LIN28B: variants seen among roughly 807,000 people sequenced by gnomAD.
The protein encoded by LIN28B is protein lin-28 homolog B.
A neutral mutation model predicts 21.9 loss-of-function variants in LIN28B; 5 were observed. The ratio of observed to expected loss-of-function variants is 0.23; its 90% confidence interval spans 0.12 to 0.48. The LOEUF is 0.48. LIN28B is among the 20% of genes least tolerant of loss of function. The pLI, the probability that LIN28B is intolerant of heterozygous loss-of-function variation, is 0.98. For missense variants in LIN28B, 245 were observed against 310.5 expected (o/e 0.79, Z 1.58); for synonymous variants, 109 against 111.3 (o/e 0.98, Z 0.13).
intron 2 of LIN28B, among the ~76,000 whole-genome samples, chr6:105,000,280 G>GA (rs1770695977): frequency 6.6e-6 from 1 of 152,080 alleles, no homozygotes; most frequent in South Asian, 2.1e-4. Flanking sequence ...CTGTGTGTAT[G>GA]AAAAAATGCA....
rs573705736 is a variant in LIN28B at position 104,950,462 on chromosome 6, T to C, written c.20T>C (p.Val7Ala). 22 of 1,228,400 alleles carry C rather than the reference T, an allele frequency of 1.8e-5. No individual in the cohort carries two copies. In the South Asian group the frequency reaches 7.8e-4, roughly 44 times the overall value. 76.1% of individuals were successfully genotyped at this position (1,228,400 alleles called of 1,614,324 possible). Residue 7 changes from valine to alanine, a missense_variant and splice_region_variant, in exon 3 of 6, where the codon GTT (valine) becomes GCT (alanine). Physicochemically the swap from Val to Ala is moderately conservative, Grantham distance 64. Transcript: ENST00000635857. ...CTGACTTGAGCTCTCTGATTTTAGG[T>C]TCTTCAGAAGAGGATGAGGTCATTC... is the stretch of plus-strand genomic sequence containing the variant.
At chr6:104,943,987 A>C (rs939662041) in intron 2 of LIN28B, among the ~76,000 whole-genome samples, 1 of 152,120 alleles carries the variant, frequency 6.6e-6, no homozygotes, top group Non-Finnish European at 1.5e-5. Context: ...ATGCTCGACA[A>C]AGTCGCTGGC....
intron 3 of LIN28B, among the ~76,000 whole-genome samples, chr6:105,044,604 AATT>A (rs1270546431): frequency 5.3e-5 from 8 of 152,214 alleles, no homozygotes; most frequent in Non-Finnish European, 1.0e-4. Context: ...ATATAAATCT[AATT>A]ATAGCCGATA....
intron 2 of LIN28B, among the ~76,000 whole-genome samples, chr6:104,990,376 C>T (rs1460820286): frequency 6.6e-6 from 1 of 151,592 alleles, no homozygotes; most frequent in Non-Finnish European, 1.5e-5. Flanking sequence ...TTTGCTTTTT[C>T]TGTCTAAGAG....
intron 2 of LIN28B, among the ~76,000 whole-genome samples, chr6:105,010,073 C>A (rs1424514197): frequency 1.3e-5 from 2 of 152,060 alleles, no homozygotes; most frequent in African/African-American, 4.8e-5. Context: ...AATATAAGTT[C>A]CATGCACATG....
intron 3 of LIN28B, among the ~76,000 whole-genome samples, chr6:105,077,505 C>G (rs1772454904): frequency 6.6e-6 from 1 of 152,056 alleles, no homozygotes; most frequent in Admixed American, 6.6e-5. Flanking sequence ...TCTTGCTTAG[C>G]TTTCCTTGCC....
At chr6:104,951,240 A>G (rs1288570759) in intron 3 of LIN28B, among the ~76,000 whole-genome samples, 2 of 152,170 alleles carry the variant, frequency 1.3e-5, no homozygotes, top group African/African-American at 4.8e-5. Context: ...GAGCTGTGAT[A>G]TTGCAAAGTA....
chr6:105,043,194 A>T (rs952447986), intron 3 of LIN28B, among the ~76,000 whole-genome samples: 2 of 152,116 alleles, frequency 1.3e-5, no homozygotes, highest in African/African-American at 4.8e-5. Context: ...TGGGAGGCTG[A>T]GGCAGGTGGA....
intron 3 of LIN28B, among the ~76,000 whole-genome samples, chr6:105,026,734 G>GTT (rs1771294382): frequency 1.3e-5 from 2 of 152,258 alleles, no homozygotes; most frequent in East Asian, 3.9e-4. Flanking sequence ...TGAGACCCCA[G>GTT]TTGAGGAGTT....
intron 2 of LIN28B, among the ~76,000 whole-genome samples, chr6:104,977,813 G>A (rs1386545530): frequency 2.0e-5 from 3 of 151,872 alleles, no homozygotes; most frequent in African/African-American, 7.3e-5. Flanking sequence ...TGATACCCCC[G>A]CCTTGGCCTC....
At chr6:104,962,890 A>T (rs1475687140) in intron 2 of LIN28B, among the ~76,000 whole-genome samples, 1 of 152,196 alleles carries the variant, frequency 6.6e-6, no homozygotes. Flanking sequence ...GAACATAAGC[A>T]GCTCATTTGT....
intron 2 of LIN28B, among the ~76,000 whole-genome samples, chr6:104,971,472 T>C (rs533810784): frequency 7.2e-5 from 11 of 152,268 alleles, no homozygotes; most frequent in Non-Finnish European, 1.5e-4. Flanking sequence ...GGATGAATAA[T>C]GAGAGAAACA....
At chr6:104,999,909 A>C (rs1281820111) in intron 2 of LIN28B, among the ~76,000 whole-genome samples, 2 of 151,978 alleles carry the variant, frequency 1.3e-5, no homozygotes, top group Non-Finnish European at 2.9e-5. Flanking sequence ...TGAACTCCCA[A>C]CCTTAGGTGT....
intron 2 of LIN28B, chr6:104,940,761 G>A (rs1359083358): frequency 6.6e-6 from 1 of 151,096 alleles, no homozygotes; most frequent in African/African-American, 2.4e-5. Flanking sequence ...GAGTGGTGGC[G>A]ACAGCGGATT....
chr6:105,078,951 C>A lies in LIN28B; in HGVS notation c.*168C>A. On this transcript the variant is annotated 3_prime_UTR_variant, in exon 4 of 4. Coordinates refer to ENST00000345080, the MANE Select transcript of LIN28B (RefSeq NM_001004317.4). ...TCACTCTAAGCAAATTACATTTGAGCAGGGTGTCATGTTTTATGTTAATTC... is the reference window on the plus strand; with the variant it reads ...TCACTCTAAGCAAATTACATTTGAGAAGGGTGTCATGTTTTATGTTAATTC... 2.9e-6 allele frequency: 2 copies of A among 685,688 alleles called. No homozygotes were observed. Among genetic ancestry groups the A allele is most frequent in the Non-Finnish European group, 4.8e-6 (2 of 418,326 alleles). 42.5% of individuals were successfully genotyped at this position (685,688 alleles called of 1,614,324 possible). A position where few individuals can be genotyped will look rare whatever the true frequency, so the allele number is the denominator to read the frequency against.
chr6:105,049,902 C>T (rs1439846086), intron 3 of LIN28B, among the ~76,000 whole-genome samples: 1 of 152,126 alleles, frequency 6.6e-6, no homozygotes, highest in Non-Finnish European at 1.5e-5. Flanking sequence ...TGTCTCTGCA[C>T]GTGAGATGGG....
intron 3 of LIN28B, among the ~76,000 whole-genome samples, chr6:105,071,665 G>A (rs559180843): frequency 1.2e-4 from 19 of 152,206 alleles, no homozygotes; most frequent in Non-Finnish European, 1.9e-4. Flanking sequence ...AAGAGAGGCA[G>A]TCTCAATTTA....
rs747897466 is a variant in LIN28B at position 104,957,301 on chromosome 6, T to A, written c.10+41T>A. 3.4e-6 allele frequency: 5 copies of A among 1,474,416 alleles called. No individual in the cohort carries two copies. In the South Asian group the frequency reaches 5.8e-5, roughly 17 times the overall value. The allele number at this position is 1,474,416 out of a possible 1,614,324, so 91.3% of individuals were successfully genotyped here. A position where few individuals can be genotyped will look rare whatever the true frequency, so the allele number is the denominator to read the frequency against. The stretch of plus-strand genomic sequence containing the variant: ...TATTGTTTTACTGTGAATTTCTTTC[T>A]TCTTTTCTCCTCCCCCTCCCCCTCT... On this transcript the variant is annotated intron_variant, in intron 1 of 3. Coordinates refer to ENST00000345080, the MANE Select transcript of LIN28B (RefSeq NM_001004317.4).
intron 2 of LIN28B, among the ~76,000 whole-genome samples, chr6:104,950,310 A>G (rs992541044): frequency 1.3e-5 from 2 of 152,124 alleles, no homozygotes; most frequent in African/African-American, 2.4e-5. Flanking sequence ...TAATTTTGCT[A>G]GGTGAGTCTT....
Sources: allele counts gnomAD v4.1 joint callset (sites outside exome capture counted in the v4.1 genomes callset), GRCh38; gene constraint gnomAD v4.1.1; transcripts MANE v1.5; gene names NCBI Gene and HGNC (gene_info 2026-07-23, HGNC 2026-07-21).